DCDC1: variants seen among roughly 807,000 people sequenced by gnomAD.
The protein encoded by DCDC1 is doublecortin domain containing 1.
Under a neutral mutation model 178.3 loss-of-function variants are expected in DCDC1, and 200 were observed. That is an observed-to-expected ratio of 1.12 (90% CI 1.00 to 1.26). DCDC1 has a LOEUF of 1.26. Among genes scored for constraint, DCDC1 ranks in the 50% most tolerant of loss-of-function variants. The pLI is 0.00. For missense variants in DCDC1, 1,983 were observed against 1,749.2 expected (o/e 1.13, Z -2.38); for synonymous variants, 690 against 604.8 (o/e 1.14, Z -2.07).
At chr11:31,268,050 T>C (rs1330715) in intron 7 of DCDC1, among the ~76,000 whole-genome samples, 105,708 of 152,118 alleles carry the variant, frequency 0.69, 37,860 homozygotes, top group East Asian at 0.95. Flanking sequence ...TCTCATAGAC[T>C]GTAAGCAAGA....
chr11:31,140,841 T>C lies in DCDC1; in HGVS notation c.1222-3057A>G, dbSNP rs1010560198. Among the ~76,000 whole-genome samples the C allele has an allele frequency of 3.1e-4, 47 of 152,316 alleles. 1 individual carries two copies. The highest frequency in any genetic ancestry group is 7.2e-4 in the Admixed American group (11 of 15,304). ...CCATTGGTTGTTACCTTCCAAACTATATCAGTTTACTTAAAACTATTAATA... is the reference window on the plus strand; with the variant it reads ...CCATTGGTTGTTACCTTCCAAACTACATCAGTTTACTTAAAACTATTAATA... On this transcript the variant is annotated intron_variant, in intron 9 of 38. Coordinates refer to ENST00000684477, the MANE Select transcript of DCDC1 (RefSeq NM_001387274.1).
At chr11:31,207,545 TC>T (rs888071443) in intron 9 of DCDC1, among the ~76,000 whole-genome samples, 1 of 152,216 alleles carries the variant, frequency 6.6e-6, no homozygotes, top group Non-Finnish European at 1.5e-5. Flanking sequence ...ACAAACTCCA[TC>T]CTTTTCCCTG....
intron 16 of DCDC1, among the ~76,000 whole-genome samples, chr11:31,092,253 T>C (rs1253123238): frequency 6.6e-6 from 1 of 152,228 alleles, no homozygotes; most frequent in East Asian, 1.9e-4. Context: ...ATACTTTATT[T>C]CTCATGTGTT....
chr11:30,904,625 T>C (rs1420821888), intron 31 of DCDC1: 2 of 288,496 alleles, frequency 6.9e-6, no homozygotes, highest in African/African-American at 4.3e-5. Flanking sequence ...ACATACAACT[T>C]GAAGCTGGCA....
At chr11:31,110,637 TTATAA>T (rs1372730701) in intron 11 of DCDC1, among the ~76,000 whole-genome samples, 1 of 151,954 alleles carries the variant, frequency 6.6e-6, no homozygotes, top group Admixed American at 6.6e-5. Flanking sequence ...CCCTACAATC[TTATAA>T]TAGAAGAAAA....
At chr11:31,106,987 G>T in intron 12 of DCDC1, 27 bp from the exon 13 acceptor site, 1 of 741,378 alleles carries the variant, frequency 1.3e-6, no homozygotes, top group Non-Finnish European at 2.4e-6. Flanking sequence ...GGGGCAGAGG[G>T]GATAGAGGAG....
At position 30,878,579 on chromosome 11, in the gene DCDC1, A is replaced by G; in HGVS notation, c.*5T>C. On this transcript the variant is annotated 3_prime_UTR_variant, in exon 38 of 39. Coordinates refer to ENST00000684477, the MANE Select transcript of DCDC1 (RefSeq NM_001387274.1). ...CAGCAGAAAATCCGATGGTTCTGAT[A>G]GGAGTTAATTGTGGAGATGTGCCAG... The G allele has an allele frequency of 6.3e-7, 1 of 1,592,982 alleles. No homozygotes were observed. Among genetic ancestry groups the G allele is most frequent in the East Asian group, 2.3e-5 (1 of 44,322 alleles).
At chr11:31,029,483 A>G (rs925054953) in intron 20 of DCDC1, among the ~76,000 whole-genome samples, 5 of 152,140 alleles carry the variant, frequency 3.3e-5, no homozygotes, top group African/African-American at 4.8e-5. Context: ...GCAGATGCCT[A>G]TGATATTTCA....
intron 10 of DCDC1, among the ~76,000 whole-genome samples, chr11:31,129,073 T>C (rs1333494182): frequency 6.6e-6 from 1 of 152,150 alleles, no homozygotes; most frequent in Admixed American, 6.6e-5. Context: ...TTGCCCCGCC[T>C]ATATTCTAAT....
intron 9 of DCDC1, among the ~76,000 whole-genome samples, chr11:31,210,034 T>C (rs755699308): frequency 2.0e-5 from 3 of 152,226 alleles, no homozygotes; most frequent in African/African-American, 2.4e-5. Context: ...CATGCATGTC[T>C]ACCAGTGTCT....
chr11:31,044,723 G>C (rs1197369368), intron 20 of DCDC1, among the ~76,000 whole-genome samples: 7 of 152,152 alleles, frequency 4.6e-5, no homozygotes, highest in Non-Finnish European at 1.0e-4. Flanking sequence ...GTCCAGCCTA[G>C]CTAACACTTC....
In DCDC1 at chr11:30,894,293, C is replaced by T; in HGVS notation, c.4857G>A (p.Gln1619=). Residue 1619 remains glutamine, a synonymous_variant, in exon 35 of 39, where the codon CAG becomes CAA. Transcript: ENST00000684477. The part of the protein sequence containing the change: ...PVVVEGGWTE[Q]TQQEIKLMEL... Reference sequence around the variant, plus strand: ...CCATGAGTTTAATTTCCTGTTGAGTCTGTTCGGTCCAGCCTCCTTCAACCA... The same window carrying T: ...CCATGAGTTTAATTTCCTGTTGAGTTTGTTCGGTCCAGCCTCCTTCAACCA... 1 of 1,613,826 alleles carries T rather than the reference C, an allele frequency of 6.2e-7. No individual in the cohort carries two copies. The highest frequency in any genetic ancestry group is 2.2e-5 in the East Asian group (1 of 44,866).
chr11:31,292,468 A>G (rs1327280498), intron 6 of DCDC1, among the ~76,000 whole-genome samples: 1 of 152,182 alleles, frequency 6.6e-6, no homozygotes, highest in African/African-American at 2.4e-5. Context: ...TTGCTAAAAA[A>G]TGGACAAACC....
intron 15 of DCDC1, among the ~76,000 whole-genome samples, chr11:31,099,973 T>C (rs1958402191): frequency 6.6e-6 from 1 of 152,064 alleles, no homozygotes. Context: ...TGCCTTGGCC[T>C]CCCAAAGTTC....
intron 28 of DCDC1, among the ~76,000 whole-genome samples, chr11:30,909,388 C>A (rs1326877539): frequency 2.6e-5 from 4 of 152,014 alleles, no homozygotes; most frequent in Admixed American, 2.6e-4. Context: ...GAACCTTTTT[C>A]TAACATCTTT....
chr11:31,263,587 A>G (rs928122635), intron 8 of DCDC1, among the ~76,000 whole-genome samples: 3 of 152,246 alleles, frequency 2.0e-5, no homozygotes, highest in Non-Finnish European at 4.4e-5. Context: ...AAGAAAAACA[A>G]ATTTACTTTC....
chr11:31,039,389 G>A (rs1202828807), intron 20 of DCDC1, among the ~76,000 whole-genome samples: 1 of 152,098 alleles, frequency 6.6e-6, no homozygotes, highest in East Asian at 1.9e-4. Flanking sequence ...TATTTAAGAG[G>A]TCATGCTCTA....
At chr11:30,989,129 T>G (rs566717995) in intron 20 of DCDC1, among the ~76,000 whole-genome samples, 1 of 151,774 alleles carries the variant, frequency 6.6e-6, no homozygotes, top group African/African-American at 2.4e-5. Flanking sequence ...TAGGACAAAA[T>G]AAGAGGGGGG....
At chr11:31,121,599 A>T (rs1040567136) in intron 11 of DCDC1, among the ~76,000 whole-genome samples, 3 of 151,470 alleles carry the variant, frequency 2.0e-5, no homozygotes, top group African/African-American at 7.3e-5. Context: ...AAGGATGAAA[A>T]GCTCAGTGAA....
Sources: allele counts gnomAD v4.1 joint callset (sites outside exome capture counted in the v4.1 genomes callset), GRCh38; gene constraint gnomAD v4.1.1; transcripts MANE v1.5; gene names NCBI Gene and HGNC (gene_info 2026-07-23, HGNC 2026-07-21).